RGPD5: variants seen among roughly 807,000 people sequenced by gnomAD.
RGPD5 encodes the protein RANBP2-like and GRIP domain-containing protein 5/6.
At chr2:109,798,904 A>G (rs1402424386) in intron 1 of RGPD5, among the ~76,000 whole-genome samples, 3 of 4,114 alleles carry the variant, frequency 7.3e-4, no homozygotes, top group Non-Finnish European at 1.8e-3. Flanking sequence ...CATAGTTGGA[A>G]GCAAAGAAGG....
chr2:109,763,001 G>A, the RGPD5 span, among the ~76,000 whole-genome samples: 1 of 147,074 alleles, frequency 6.8e-6, no homozygotes, highest in Non-Finnish European at 1.5e-5. Flanking sequence ...TAAGTTTATG[G>A]TTACTTTTAA....
chr2:109,778,455 G>C, the RGPD5 span, among the ~76,000 whole-genome samples: 1 of 149,812 alleles, frequency 6.7e-6, no homozygotes, highest in African/African-American at 2.5e-5. Context: ...CTCAACAAAG[G>C]TGATTTTCTT....
chr2:109,771,410 G>T, the RGPD5 span, among the ~76,000 whole-genome samples: 2 of 102,362 alleles, frequency 2.0e-5, no homozygotes, highest in Non-Finnish European at 3.6e-5. Flanking sequence ...ATACTGTAGA[G>T]CCCAGGACAG....
At chr2:109,762,472 G>C in the RGPD5 span, among the ~76,000 whole-genome samples, 1 of 147,550 alleles carries the variant, frequency 6.8e-6, no homozygotes. Flanking sequence ...CTGCTTGTCT[G>C]CTTGCTGACT....
chr2:109,767,386 A>G, the RGPD5 span, among the ~76,000 whole-genome samples: 1 of 144,772 alleles, frequency 6.9e-6, no homozygotes, highest in Admixed American at 7.3e-5. Context: ...CTACTCACAT[A>G]TGTAGATCTA....
the RGPD5 span, among the ~76,000 whole-genome samples, chr2:109,765,846 C>T: frequency 1.1e-4 from 17 of 150,786 alleles, no homozygotes; most frequent in South Asian, 2.6e-3. Flanking sequence ...GGCCAGTGGG[C>T]GGCTTCCTCC....
the RGPD5 span, among the ~76,000 whole-genome samples, chr2:109,778,692 C>T: frequency 1.4e-5 from 2 of 139,234 alleles, no homozygotes; most frequent in Admixed American, 7.6e-5. Flanking sequence ...TTTTTCTTTT[C>T]TCTCTCTCTC....
the RGPD5 span, among the ~76,000 whole-genome samples, chr2:109,766,513 T>A: frequency 1.3e-5 from 2 of 150,604 alleles, no homozygotes; most frequent in East Asian, 2.0e-4. Flanking sequence ...CTTGATGACG[T>A]TGAAGATGAG....
chr2:109,767,673 AGTT>A, the RGPD5 span, among the ~76,000 whole-genome samples: 2 of 146,358 alleles, frequency 1.4e-5, no homozygotes, highest in Admixed American at 1.4e-4. Context: ...GTGGGAATAG[AGTT>A]GTTCTGGGTT....
At chr2:109,765,244 C>G in the RGPD5 span, among the ~76,000 whole-genome samples, 1 of 142,672 alleles carries the variant, frequency 7.0e-6, no homozygotes, top group African/African-American at 2.6e-5. Flanking sequence ...ACCATGACCC[C>G]CAGTAACAAA....
At chr2:109,761,558 G>C in the RGPD5 span, among the ~76,000 whole-genome samples, 2 of 148,148 alleles carry the variant, frequency 1.3e-5, no homozygotes, top group African/African-American at 5.0e-5. Context: ...GTAAATCGCC[G>C]CTGGAAGCAG....
chr2:109,761,057 G>A, the RGPD5 span, among the ~76,000 whole-genome samples: 1 of 140,618 alleles, frequency 7.1e-6, no homozygotes, highest in East Asian at 2.3e-4. Context: ...CCGTGGGGAG[G>A]AAAAGAAGCG....
the RGPD5 span, among the ~76,000 whole-genome samples, chr2:109,763,568 CAAAG>C: frequency 1.3e-4 from 19 of 149,600 alleles, no homozygotes; most frequent in African/African-American, 2.9e-4. Context: ...ACTAAAATAA[CAAAG>C]AGAGAGAGCC....
the RGPD5 span, among the ~76,000 whole-genome samples, chr2:109,760,819 C>T: frequency 7.6e-6 from 1 of 131,666 alleles, no homozygotes; most frequent in Non-Finnish European, 1.6e-5. Context: ...CGGCGAGGGG[C>T]GGCCGCGGCG....
At chr2:109,764,531 G>A in the RGPD5 span, among the ~76,000 whole-genome samples, 749 of 149,936 alleles carry the variant, frequency 5.0e-3, 28 homozygotes, top group Middle Eastern at 0.024. Flanking sequence ...TAAGGCGTAG[G>A]TTGTACATAT....
chr2:109,761,532 T>G, the RGPD5 span, among the ~76,000 whole-genome samples: 23 of 148,618 alleles, frequency 1.5e-4, no homozygotes, highest in Middle Eastern at 6.8e-3. Flanking sequence ...GATCTCACAC[T>G]GGGGAGCTGC....
the RGPD5 span, among the ~76,000 whole-genome samples, chr2:109,765,805 T>C: frequency 6.6e-6 from 1 of 150,878 alleles, no homozygotes; most frequent in East Asian, 2.0e-4. Flanking sequence ...CTTTTGCTTG[T>C]CTTCAAATCA....
chr2:109,761,034 G>A, the RGPD5 span, among the ~76,000 whole-genome samples: 1 of 138,726 alleles, frequency 7.2e-6, no homozygotes, highest in Non-Finnish European at 1.6e-5. Context: ...AGGTAGCCAG[G>A]GGCAGAGCGC....
At chr2:109,765,775 C>T in the RGPD5 span, among the ~76,000 whole-genome samples, 2 of 151,038 alleles carry the variant, frequency 1.3e-5, no homozygotes. Context: ...AAGGATGCTG[C>T]CCAGTAGTGC....
Sources: allele counts gnomAD v4.1 joint callset (sites outside exome capture counted in the v4.1 genomes callset), GRCh38; gene constraint gnomAD v4.1.1; transcripts MANE v1.5; gene names NCBI Gene and HGNC (gene_info 2026-07-23, HGNC 2026-07-21).